Variants in FBXL7 observed in about 807,000 individuals in gnomAD.
The protein encoded by FBXL7 is F-box and leucine rich repeat protein 7.
A neutral mutation model predicts 38.3 loss-of-function variants in FBXL7; 12 were observed. The observed-to-expected ratio is 0.31, with a 90% CI of 0.20 to 0.51. The LOEUF (loss-of-function observed/expected upper bound fraction) is 0.51. FBXL7 is among the 20% of genes least tolerant of loss of function. The probability of loss-of-function intolerance (pLI) is 0.98; values close to 1 mark genes in which losing one functional copy is unlikely to be tolerated. For synonymous variants in FBXL7, 297 were observed against 300.9 expected (o/e 0.99, Z 0.13); for missense variants, 567 against 676.4 (o/e 0.84, Z 1.79).
intron 2 of FBXL7, among the ~76,000 whole-genome samples, chr5:15,751,320 C>G (rs1469307464): frequency 9.2e-5 from 14 of 152,104 alleles, no homozygotes; most frequent in Admixed American, 9.2e-4. Flanking sequence ...TGAAATGGAC[C>G]ATTAGGGGAC....
chr5:15,835,995 A>G (rs1413792920), intron 2 of FBXL7, among the ~76,000 whole-genome samples: 1 of 152,176 alleles, frequency 6.6e-6, no homozygotes, highest in Non-Finnish European at 1.5e-5. Context: ...TTTTCCACTA[A>G]TACTTAGATA....
rs543406565 is a variant in FBXL7 at position 15,678,031 on chromosome 5, T to G, written c.127+61959T>G. Among the ~76,000 whole-genome samples the G allele has an allele frequency of 4.1e-4, 62 of 152,276 alleles. 1 individual carries two copies. In the Middle Eastern group the frequency reaches 0.01, roughly 25 times the overall value. On this transcript the variant is annotated intron_variant, in intron 2 of 3. Transcript: ENST00000504595. ...AAGAATGGAACACTCTGACTTTGTT[T>G]CCCATATGTCCTTCTGTCTCCTGCA... is the stretch of plus-strand genomic sequence containing the variant.
intron 2 of FBXL7, among the ~76,000 whole-genome samples, chr5:15,888,196 CTTTATTTATTTATTTA>C (rs3034529): frequency 0.018 from 2,661 of 145,372 alleles, 34 homozygotes; most frequent in Non-Finnish European, 0.023. Flanking sequence ...GTAAACACCA[CTTTATTTATTTATTTA>C]TTTATTTATT....
At chr5:15,561,516 A>G (rs1290272806) in intron 1 of FBXL7, among the ~76,000 whole-genome samples, 1 of 152,170 alleles carries the variant, frequency 6.6e-6, no homozygotes, top group African/African-American at 2.4e-5. Flanking sequence ...TAATGCTGCA[A>G]TGAACATAGG....
At chr5:15,589,838 A>G (rs567462113) in intron 1 of FBXL7, among the ~76,000 whole-genome samples, 6 of 152,162 alleles carry the variant, frequency 3.9e-5, no homozygotes, top group Non-Finnish European at 8.8e-5. Flanking sequence ...AGAGGTGATG[A>G]TGCACAAATG....
Position 15,774,748 on chromosome 5 carries a change from C to T in FBXL7, c.128-153142C>T, listed in dbSNP as rs61007739. On this transcript the variant is annotated intron_variant, in intron 2 of 3. Transcript: ENST00000504595. ...CAAACTAATTTCAAAGTAGTTAGAG[C>T]GACAGTTTTTCCTTGCCTTTTCTGA... Among the ~76,000 whole-genome samples, 601 of 152,196 alleles carry T rather than the reference C, an allele frequency of 3.9e-3. 5 individuals carry two copies. The highest frequency in any genetic ancestry group is 0.014 in the African/African-American group (572 of 41,528).
chr5:15,501,462 A>G (rs889236135), intron 1 of FBXL7: 12 of 985,412 alleles, frequency 1.2e-5, no homozygotes, highest in Middle Eastern at 5.2e-4. Context: ...TTGTATCCCA[A>G]TTAGCAGCTA....
intron 2 of FBXL7, among the ~76,000 whole-genome samples, chr5:15,681,961 TA>T (rs1742857443): frequency 6.6e-6 from 1 of 152,220 alleles, no homozygotes; most frequent in Non-Finnish European, 1.5e-5. Context: ...TAGATTCATG[TA>T]AACACAGCGT....
At chr5:15,624,059 T>G (rs1740731696) in intron 2 of FBXL7, among the ~76,000 whole-genome samples, 1 of 152,226 alleles carries the variant, frequency 6.6e-6, no homozygotes, top group South Asian at 2.1e-4. Context: ...ATTTTTACTG[T>G]ACTTAGGAGA....
At chr5:15,781,922 C>T (rs1172985712) in intron 2 of FBXL7, among the ~76,000 whole-genome samples, 1 of 152,112 alleles carries the variant, frequency 6.6e-6, no homozygotes, top group Non-Finnish European at 1.5e-5. Flanking sequence ...TGGTGGTTTG[C>T]TGCACCTATC....
At chr5:15,605,627 T>C (rs1371049394) in intron 1 of FBXL7, among the ~76,000 whole-genome samples, 2 of 152,130 alleles carry the variant, frequency 1.3e-5, no homozygotes, top group East Asian at 1.9e-4. Context: ...GAGAGCTTCT[T>C]TGGGGTGATG....
intron 1 of FBXL7, among the ~76,000 whole-genome samples, chr5:15,610,607 C>G (rs545312506): frequency 1.3e-5 from 2 of 152,292 alleles, no homozygotes; most frequent in Admixed American, 6.5e-5. Flanking sequence ...CCTCCCTCTC[C>G]ACTTGAACTC....
At chr5:15,892,161 G>A (rs1740929853) in intron 2 of FBXL7, among the ~76,000 whole-genome samples, 1 of 152,236 alleles carries the variant, frequency 6.6e-6, no homozygotes, top group South Asian at 2.1e-4. Context: ...AACAAACGGA[G>A]TGAGCCCTCC....
rs184445565 is a variant in FBXL7, at chr5:15,925,978, C to T, written c.128-1912C>T. On this transcript the variant is annotated intron_variant, in intron 2 of 3. Coordinates refer to ENST00000504595, the MANE Select transcript of FBXL7 (RefSeq NM_012304.5). ...TCAACACTTCATTATAAAATAGGCT[C>T]TATGTTAAATGACTTTGTTACTGTA... Among the ~76,000 whole-genome samples, 5 of 152,238 alleles carry T rather than the reference C, an allele frequency of 3.3e-5. No individual in the cohort carries two copies. The East Asian group carries it at 7.7e-4, about 24-fold the overall frequency.
At chr5:15,575,650 C>G (rs1208215795) in intron 1 of FBXL7, among the ~76,000 whole-genome samples, 1 of 152,180 alleles carries the variant, frequency 6.6e-6, no homozygotes, top group East Asian at 1.9e-4. Flanking sequence ...GGTTTTTGGA[C>G]TGCTTAGCAG....
intron 2 of FBXL7, among the ~76,000 whole-genome samples, chr5:15,664,975 T>A (rs1742222578): frequency 6.6e-6 from 1 of 152,154 alleles, no homozygotes; most frequent in Non-Finnish European, 1.5e-5. Flanking sequence ...TTGTTTTTCT[T>A]TAATACCATA....
chr5:15,579,621 C>T (rs1279240028), intron 1 of FBXL7, among the ~76,000 whole-genome samples: 1 of 152,122 alleles, frequency 6.6e-6, no homozygotes, highest in Non-Finnish European at 1.5e-5. Context: ...TCCAGACAAC[C>T]TTAAAAGTTA....
At chr5:15,593,702 A>G (rs1739543260) in intron 1 of FBXL7, among the ~76,000 whole-genome samples, 2 of 152,154 alleles carry the variant, frequency 1.3e-5, no homozygotes, top group Admixed American at 6.6e-5. Context: ...AATTTGTTTA[A>G]TTTGTGTAAC....
rs1339371082 is a variant in FBXL7, at chr5:15,938,643, T to C, written c.*1457T>C. On this transcript the variant is annotated 3_prime_UTR_variant, in exon 4 of 4. Transcript: ENST00000504595. ...TGTTCACTCAACAATGCCAGATGAA[T>C]GGAAGAGGGAACACACTGAGATGAC... 1 of 191,960 alleles carries C rather than the reference T, an allele frequency of 5.2e-6. No homozygotes were observed. Among genetic ancestry groups the C allele is most frequent in the Non-Finnish European group, 1.1e-5 (1 of 94,810 alleles). 11.9% of individuals were successfully genotyped at this position (191,960 alleles called of 1,614,324 possible).
Sources: gnomAD v4.1 joint callset for allele counts (sites outside exome capture counted in the v4.1 genomes callset) on GRCh38, gnomAD v4.1.1 for gene constraint, MANE v1.5 for transcripts, NCBI Gene and HGNC (gene_info 2026-07-23, HGNC 2026-07-21) for gene names.